Variants in EVC2 observed in about 807,000 individuals in gnomAD.
The protein encoded by EVC2 is limbin.
In EVC2, 148 loss-of-function variants were observed where a neutral mutation model predicts 149.3. That is an observed-to-expected ratio of 0.99 (90% CI 0.87 to 1.14). EVC2 has a LOEUF of 1.14. Among genes scored for constraint, EVC2 ranks in the 50% most tolerant of loss-of-function variants. The pLI, the probability that EVC2 is intolerant of heterozygous loss-of-function variation, is 0.00. For missense variants in EVC2, 1,854 were observed against 1,627.3 expected, an observed-to-expected ratio of 1.14 and a Z score of -2.40; for synonymous variants, 776 against 649.9, an observed-to-expected ratio of 1.19 and a Z score of -2.95.
Position 5,622,829 on chromosome 4 carries a change from T to C in EVC2, c.2209A>G (p.Arg737Gly), listed in dbSNP as rs867346157. 1 of 1,614,012 alleles carries C rather than the reference T, an allele frequency of 6.2e-7. No homozygotes were observed. The highest frequency in any genetic ancestry group is 1.3e-5 in the African/African-American group (1 of 74,982). The change falls in exon 14 of 22, where the codon AGG becomes GGG. Residue 737 changes from arginine to glycine, a missense_variant. Transcript: ENST00000344408. This position sits in a 1 kb window ranked among gnomAD's most constrained non-coding sequence, Gnocchi z 5.8. ...TCAAACAGCGAAAGGGTCAGGGTCC[T>C]GAGATCGTCCAGGGCGGCCTGGTCC... ...RLDQAALDDLRTLTLSLFEKA... is the reference protein window; with the variant it reads ...RLDQAALDDLGTLTLSLFEKA...
chr4:5,579,273 GAA>G (rs1238568983), intron 17 of EVC2, among the ~76,000 whole-genome samples: 1 of 152,184 alleles, frequency 6.6e-6, no homozygotes, highest in Non-Finnish European at 1.5e-5. Flanking sequence ...GGACCTTGGT[GAA>G]ATGATTTAAC....
At chr4:5,589,423 G>A (rs1031004660) in intron 16 of EVC2, among the ~76,000 whole-genome samples, 1 of 152,126 alleles carries the variant, frequency 6.6e-6, no homozygotes, top group Non-Finnish European at 1.5e-5. Context: ...TGCTGCGCAG[G>A]TCTCAGCAGA....
intron 11 of EVC2, among the ~76,000 whole-genome samples, chr4:5,629,755 C>T (rs758737713): frequency 2.0e-5 from 3 of 152,238 alleles, no homozygotes; most frequent in African/African-American, 7.2e-5. Flanking sequence ...CTAAGGGCCA[C>T]TGGCACCAGA....
chr4:5,537,171 T>C, the EVC2 span, among the ~76,000 whole-genome samples: 3 of 152,160 alleles, frequency 2.0e-5, no homozygotes, highest in Admixed American at 2.0e-4. Context: ...CTTGGGAGAC[T>C]TTCCAGGCAC....
chr4:5,545,692 TATC>T (rs2108756859), intron 21 of EVC2, among the ~76,000 whole-genome samples: 1 of 152,282 alleles, frequency 6.6e-6, no homozygotes, highest in African/African-American at 2.4e-5. Flanking sequence ...TGACCTTTCT[TATC>T]ATCCCTTGCA....
chr4:5,640,769 A>T lies in EVC2; in HGVS notation c.1215T>A (p.Asp405Glu), dbSNP rs775859006. 26 of 1,614,048 alleles carry T rather than the reference A, an allele frequency of 1.6e-5. No individual in the cohort carries two copies. In the Middle Eastern group the frequency reaches 4.9e-4, roughly 31 times the overall value. Residue 405 changes from aspartate to glutamate, a missense_variant, in exon 10 of 22, where the codon GAT (aspartate) becomes GAA (glutamate). Asp to Glu is a conservative substitution (Grantham distance 45). Coordinates refer to ENST00000344408, the MANE Select transcript of EVC2 (RefSeq NM_147127.5). This position sits in a 1 kb window ranked among gnomAD's most constrained non-coding sequence, Gnocchi z 4.6. ...LEACRTQISK[D>E]IIALLLKNLT... ...GATTTTTCAGCAGAAGGGCAATGATATCCTTGCTGATTTGTGTTCGACAAG... is the reference window on the plus strand; with the variant it reads ...GATTTTTCAGCAGAAGGGCAATGATTTCCTTGCTGATTTGTGTTCGACAAG...
At chr4:5,604,206 C>T (rs947635079) in intron 16 of EVC2, among the ~76,000 whole-genome samples, 3 of 152,066 alleles carry the variant, frequency 2.0e-5, no homozygotes, top group African/African-American at 7.2e-5. Context: ...TAGTTGAGGG[C>T]GGATGAAATC....
At chr4:5,549,727 T>G (rs1379926725) in intron 21 of EVC2, among the ~76,000 whole-genome samples, 2 of 152,134 alleles carry the variant, frequency 1.3e-5, no homozygotes, top group Admixed American at 1.3e-4. Context: ...ATCCAAAGTT[T>G]AGAAGTAAAT....
At chr4:5,579,466 C>T (rs933772695) in intron 17 of EVC2, among the ~76,000 whole-genome samples, 5 of 152,012 alleles carry the variant, frequency 3.3e-5, no homozygotes, top group East Asian at 1.9e-4. Context: ...AGCTGGGCAG[C>T]GAAAGGTGGA....
At chr4:5,555,603 T>C (rs2108761471) in intron 21 of EVC2, among the ~76,000 whole-genome samples, 1 of 152,286 alleles carries the variant, frequency 6.6e-6, no homozygotes, top group Middle Eastern at 3.4e-3. Context: ...TCACCATATA[T>C]AAGCATAATA....
chr4:5,708,488 C>G lies in EVC2; in HGVS notation c.26G>C (p.Arg9Pro). 1 of 1,482,630 alleles carries G rather than the reference C, an allele frequency of 6.7e-7. No homozygotes were observed. The highest frequency in any genetic ancestry group is 1.3e-5 in the South Asian group (1 of 78,012). The allele number at this position is 1,482,630 out of a possible 1,614,324, so 91.8% of individuals were successfully genotyped here. Reference protein sequence around the residue: MDPSGSRGRPTWVLAGGLL... With the variant: MDPSGSRGPPTWVLAGGLL... ...ACCCCCGGCCAGCACCCACGTGGGG[C>G]GCCCCCGGGAGCCCGAGGGGTCCAT... The change falls in exon 1 of 22, where the codon CGC becomes CCC. Residue 9 changes from arginine to proline, a missense_variant. Physicochemically the swap from Arg to Pro is moderately radical, Grantham distance 103. Transcript: ENST00000344408.
intron 9 of EVC2, among the ~76,000 whole-genome samples, chr4:5,659,520 G>A (rs907308926): frequency 6.6e-6 from 1 of 152,116 alleles, no homozygotes; most frequent in Non-Finnish European, 1.5e-5. Context: ...ATGGGAGGCT[G>A]GGGGAGAGGA....
rs116527587 is a variant in EVC2 at position 5,633,648 on chromosome 4, C to T, written c.1471-1616G>A. ...AGCCATCCCAAATGGCCAATAAAGGCCTGGCCTTGGGAAGCAGGCAGGTGT... is the reference window on the plus strand; with the variant it reads ...AGCCATCCCAAATGGCCAATAAAGGTCTGGCCTTGGGAAGCAGGCAGGTGT... On this transcript the variant is annotated intron_variant, in intron 10 of 21. Transcript: ENST00000344408. The surrounding 1 kb of genome is among the most constrained non-coding windows in gnomAD (Gnocchi z 4.4). 3.5e-3 allele frequency among the ~76,000 whole-genome samples: 530 copies of T among 152,318 alleles called. 4 individuals carry two copies. Among genetic ancestry groups the T allele is most frequent in the African/African-American group, 0.012 (508 of 41,568 alleles).
chr4:5,563,381 C>T (rs1722073498), intron 21 of EVC2, among the ~76,000 whole-genome samples: 1 of 152,184 alleles, frequency 6.6e-6, no homozygotes, highest in South Asian at 2.1e-4. Flanking sequence ...GAGTTTCGCT[C>T]TTGTTGCCCA....
At chr4:5,644,858 A>G (rs1408779291) in intron 9 of EVC2, among the ~76,000 whole-genome samples, 2 of 152,170 alleles carry the variant, frequency 1.3e-5, no homozygotes, top group Non-Finnish European at 2.9e-5. Context: ...AATAATAGGA[A>G]TTTGATCTTT....
At chr4:5,534,152 C>CT in the EVC2 span, among the ~76,000 whole-genome samples, 151,569 of 152,338 alleles carry the variant, frequency 0.99, 75,407 homozygotes, top group East Asian at 1. Context: ...TGGGAAAGGG[C>CT]TACAGGCTGC....
intron 16 of EVC2, among the ~76,000 whole-genome samples, chr4:5,585,934 T>C (rs561988368): frequency 1.3e-4 from 20 of 152,356 alleles, no homozygotes; most frequent in Non-Finnish European, 2.4e-4. Flanking sequence ...CAATCTTGGC[T>C]CACTGCAACC....
chr4:5,650,671 A>AGAGAGAGAGAGAGAGAGCGC (rs35334619), intron 9 of EVC2, among the ~76,000 whole-genome samples: 2 of 102,412 alleles, frequency 2.0e-5, no homozygotes, highest in Admixed American at 1.1e-4. Flanking sequence ...AGAGAGAGAG[A>AGAGAGAGAGAGAGAGAGCGC]GCCATTTAAT....
the EVC2 span, among the ~76,000 whole-genome samples, chr4:5,536,541 T>G: frequency 6.6e-6 from 1 of 152,110 alleles, no homozygotes; most frequent in Non-Finnish European, 1.5e-5. Flanking sequence ...TCCTAGCACT[T>G]TGGGAGGCCA....
Sources: allele counts gnomAD v4.1 joint callset (sites outside exome capture counted in the v4.1 genomes callset), GRCh38; gene constraint gnomAD v4.1.1; non-coding constraint Gnocchi (gnomAD v3.1); transcripts MANE v1.5; gene names NCBI Gene and HGNC (gene_info 2026-07-23, HGNC 2026-07-21).